Variants in PDE12 observed in about 807,000 individuals in gnomAD.
PDE12 encodes phosphodiesterase 12.
PDE12 carries 26 observed loss-of-function variants against 45.4 expected under a neutral mutation model. The ratio of observed to expected loss-of-function variants is 0.57; its 90% CI spans 0.42 to 0.79. PDE12 has a LOEUF of 0.79. Ranked by LOEUF, PDE12 falls within the 30% of genes least tolerant of loss-of-function variation. PDE12 has a pLI of 0.00. For missense variants in PDE12, 668 were observed against 790.0 expected, an observed-to-expected ratio of 0.85 and a Z score of 1.85; for synonymous variants, 283 against 323.9, an observed-to-expected ratio of 0.87 and a Z score of 1.36.
the PDE12 span, among the ~76,000 whole-genome samples, chr3:57,646,147 A>T: frequency 6.6e-6 from 1 of 152,224 alleles, no homozygotes; most frequent in Non-Finnish European, 1.5e-5. Flanking sequence ...TCTCATCCAT[A>T]AAATGGTGCT....
At chr3:57,639,998 C>T in the PDE12 span, among the ~76,000 whole-genome samples, 6 of 152,174 alleles carry the variant, frequency 3.9e-5, no homozygotes, top group Admixed American at 3.3e-4. Context: ...GCTGGCCAGG[C>T]GCAGTGGCTC....
At chr3:57,587,758 GA>G in the PDE12 span, among the ~76,000 whole-genome samples, 3 of 151,926 alleles carry the variant, frequency 2.0e-5, no homozygotes, top group African/African-American at 7.3e-5. Context: ...AATTCAAGGG[GA>G]AAAAATAATG....
the PDE12 span, among the ~76,000 whole-genome samples, chr3:57,578,699 G>A: frequency 2.0e-5 from 3 of 151,990 alleles, no homozygotes; most frequent in South Asian, 2.1e-4. Flanking sequence ...ATGTGGTCTC[G>A]AACTCCTGGA....
chr3:57,614,294 T>TC, the PDE12 span, among the ~76,000 whole-genome samples: 2 of 152,162 alleles, frequency 1.3e-5, no homozygotes, highest in African/African-American at 4.8e-5. Context: ...CGGAAAGGAT[T>TC]CAAGTCATAC....
chr3:57,651,568 G>A, the PDE12 span, among the ~76,000 whole-genome samples: 1 of 152,090 alleles, frequency 6.6e-6, no homozygotes, highest in African/African-American at 2.4e-5. Flanking sequence ...TGATGAAAAT[G>A]TTCTGGAATT....
chr3:57,639,415 C>G, the PDE12 span, among the ~76,000 whole-genome samples: 12 of 152,166 alleles, frequency 7.9e-5, no homozygotes, highest in Non-Finnish European at 1.0e-4. Flanking sequence ...CAAAAGTTAT[C>G]TACCTACATC....
At chr3:57,589,368 C>A in the PDE12 span, among the ~76,000 whole-genome samples, 2 of 151,998 alleles carry the variant, frequency 1.3e-5, no homozygotes, top group African/African-American at 2.4e-5. Context: ...ATCAAGGCTG[C>A]AGCGAGCCAT....
the PDE12 span, among the ~76,000 whole-genome samples, chr3:57,613,239 C>T: frequency 2.6e-5 from 4 of 151,324 alleles, no homozygotes; most frequent in African/African-American, 9.7e-5. Flanking sequence ...CCTCGGCCTC[C>T]CAAAGTGCTA....
At chr3:57,589,475 T>C in the PDE12 span, among the ~76,000 whole-genome samples, 72 of 152,118 alleles carry the variant, frequency 4.7e-4, no homozygotes, top group African/African-American at 1.6e-3. Flanking sequence ...ATCCCAGCAC[T>C]TTGGGAGGCT....
chr3:57,630,433 A>G, the PDE12 span: 1 of 1,584,638 alleles, frequency 6.3e-7, no homozygotes, highest in Non-Finnish European at 8.5e-7. Flanking sequence ...CTTCACAAAG[A>G]GCTTCTAGAT....
the PDE12 span, among the ~76,000 whole-genome samples, chr3:57,606,450 G>A: frequency 6.6e-6 from 1 of 152,132 alleles, no homozygotes; most frequent in African/African-American, 2.4e-5. Flanking sequence ...AGAATTCCTT[G>A]ACAGTAAACC....
the PDE12 span, chr3:57,584,145 C>T: frequency 2.8e-6 from 2 of 718,146 alleles, no homozygotes; most frequent in Non-Finnish European, 4.6e-6. Flanking sequence ...TAAACATCAA[C>T]AGAGACAAGG....
chr3:57,632,834 A>G, the PDE12 span, among the ~76,000 whole-genome samples: 2 of 152,228 alleles, frequency 1.3e-5, no homozygotes, highest in African/African-American at 2.4e-5. Flanking sequence ...CAAGACAGAT[A>G]TAGTCCCTGT....
chr3:57,640,980 C>G, the PDE12 span, among the ~76,000 whole-genome samples: 6 of 151,690 alleles, frequency 4.0e-5, no homozygotes, highest in Admixed American at 1.3e-4. Context: ...TTGAACCGCT[C>G]CCTAAATCAA....
the PDE12 span, among the ~76,000 whole-genome samples, chr3:57,614,916 C>G: frequency 6.6e-6 from 1 of 151,382 alleles, no homozygotes; most frequent in Admixed American, 6.6e-5. Flanking sequence ...TCGCTTGAAT[C>G]CGGGCGGCAG....
At chr3:57,641,565 C>T in the PDE12 span, 2 of 1,172,152 alleles carry the variant, frequency 1.7e-6, no homozygotes, top group Non-Finnish European at 2.4e-6. Flanking sequence ...AAGCTGCCAT[C>T]AACATAAAAA....
the PDE12 span, chr3:57,572,018 T>C: frequency 2.1e-6 from 1 of 486,554 alleles, no homozygotes; most frequent in Non-Finnish European, 3.7e-6. Flanking sequence ...CCAAGGAGAA[T>C]TTCTTTAAAA....
chr3:57,634,779 G>T, the PDE12 span: 1 of 1,540,448 alleles, frequency 6.5e-7, no homozygotes, highest in Non-Finnish European at 8.7e-7. Context: ...CCTGAAGGAA[G>T]CAGCATAAAG....
At chr3:57,626,157 A>G in the PDE12 span, 1 of 152,632 alleles carries the variant, frequency 6.6e-6, no homozygotes, top group African/African-American at 2.4e-5. Flanking sequence ...CAAATGCCAT[A>G]TTCTCTCTAT....
Sources: allele counts gnomAD v4.1 joint callset (sites outside exome capture counted in the v4.1 genomes callset), GRCh38; gene constraint gnomAD v4.1.1; transcripts MANE v1.5; gene names NCBI Gene and HGNC (gene_info 2026-07-23, HGNC 2026-07-21).